Variants in CLVS1 observed in about 807,000 individuals in gnomAD.
CLVS1 encodes clavesin-1.
In CLVS1, 10 loss-of-function variants were observed where a neutral mutation model predicts 33.1. The observed-to-expected ratio is 0.30, with a 90% CI of 0.19 to 0.51. The LOEUF (loss-of-function observed/expected upper bound fraction) is 0.51. Among genes scored for constraint, CLVS1 ranks in the 20% least tolerant of loss-of-function variants. The pLI is 0.97. For missense variants in CLVS1, 343 were observed against 433.4 expected (o/e 0.79, Z 1.85); for synonymous variants, 163 against 166.1 (o/e 0.98, Z 0.14).
the CLVS1 span, among the ~76,000 whole-genome samples, chr8:61,038,864 A>G: frequency 6.6e-6 from 1 of 152,212 alleles, no homozygotes; most frequent in African/African-American, 2.4e-5. Context: ...TCTGTACTAG[A>G]TGTCTCTGAG....
the CLVS1 span, among the ~76,000 whole-genome samples, chr8:61,032,829 G>C: frequency 6.6e-6 from 1 of 151,712 alleles, no homozygotes; most frequent in African/African-American, 2.4e-5. Flanking sequence ...AGCCCCCATG[G>C]GAAAATCCAA....
chr8:61,435,949 A>T (rs1816315887), intron 3 of CLVS1, among the ~76,000 whole-genome samples: 1 of 152,168 alleles, frequency 6.6e-6, no homozygotes, highest in Admixed American at 6.5e-5. Flanking sequence ...ATATAAAGTC[A>T]CCCTATTTGT....
chr8:61,144,686 A>T (rs923547714), intron 2 of CLVS1, among the ~76,000 whole-genome samples: 1 of 152,186 alleles, frequency 6.6e-6, no homozygotes, highest in Non-Finnish European at 1.5e-5. Context: ...GTGTAAAAGC[A>T]TTCCTATATC....
intron 5 of CLVS1, among the ~76,000 whole-genome samples, chr8:61,474,925 T>G (rs1247435441): frequency 1.3e-5 from 2 of 152,202 alleles, no homozygotes; most frequent in Non-Finnish European, 2.9e-5. Flanking sequence ...TAGGTATATC[T>G]CCTAATGCTA....
chr8:61,380,726 G>A (rs1341915830), intron 3 of CLVS1, among the ~76,000 whole-genome samples: 2 of 152,102 alleles, frequency 1.3e-5, no homozygotes, highest in Non-Finnish European at 2.9e-5. Context: ...ATACAGCTCA[G>A]CGTTATTCTC....
At chr8:61,202,982 A>C in intron 2 of CLVS1, 3 of 1,460,324 alleles carry the variant, frequency 2.1e-6, no homozygotes, top group Non-Finnish European at 2.8e-6. Flanking sequence ...AATGGAAAAG[A>C]CTCAAAACCA....
At chr8:61,467,554 G>T (rs1817590621) in intron 5 of CLVS1, among the ~76,000 whole-genome samples, 1 of 152,136 alleles carries the variant, frequency 6.6e-6, no homozygotes. Flanking sequence ...GACAGGCACG[G>T]GTACAAATCC....
intron 2 of CLVS1, among the ~76,000 whole-genome samples, chr8:61,257,489 C>T (rs1809108791): frequency 6.6e-6 from 1 of 152,242 alleles, no homozygotes; most frequent in East Asian, 1.9e-4. Context: ...ATTCTCTGTC[C>T]TCTAAAATTA....
At chr8:61,205,160 A>T (rs138232971) in intron 2 of CLVS1, among the ~76,000 whole-genome samples, 106 of 152,348 alleles carry the variant, frequency 7.0e-4, no homozygotes, top group African/African-American at 2.1e-3. Flanking sequence ...CATAAAATGT[A>T]CCATGTTAAC....
chr8:61,363,019 C>G (rs544328599), intron 2 of CLVS1, among the ~76,000 whole-genome samples: 2 of 152,086 alleles, frequency 1.3e-5, no homozygotes, highest in Non-Finnish European at 2.9e-5. Context: ...AGATAGGTAA[C>G]GGGTCATCAA....
chr8:60,989,013 GGCCACCAT>G, the CLVS1 span, among the ~76,000 whole-genome samples: 1 of 151,320 alleles, frequency 6.6e-6, no homozygotes, highest in Admixed American at 6.6e-5. Flanking sequence ...TACAGGTGTG[GGCCACCAT>G]GCCAGCTAAT....
chr8:61,414,990 G>A (rs1329297469), intron 3 of CLVS1, among the ~76,000 whole-genome samples: 1 of 152,210 alleles, frequency 6.6e-6, no homozygotes, highest in African/African-American at 2.4e-5. Flanking sequence ...GCAGTAGTTA[G>A]GAGCCATTTG....
At chr8:61,389,623 C>CT (rs1358826680) in intron 3 of CLVS1, among the ~76,000 whole-genome samples, 32 of 152,094 alleles carry the variant, frequency 2.1e-4, no homozygotes, top group Non-Finnish European at 7.3e-5. Flanking sequence ...CTAGAAAGCA[C>CT]TATGACTGAG....
intron 2 of CLVS1, among the ~76,000 whole-genome samples, chr8:61,349,850 C>G (rs1432494347): frequency 6.6e-6 from 1 of 152,128 alleles, no homozygotes; most frequent in Admixed American, 6.5e-5. Context: ...CTCTCTAGCA[C>G]TCCCCAAACA....
intron 2 of CLVS1, among the ~76,000 whole-genome samples, chr8:61,311,717 A>C (rs1245317823): frequency 6.6e-6 from 1 of 152,222 alleles, no homozygotes; most frequent in East Asian, 1.9e-4. Flanking sequence ...TAAACTCAGA[A>C]GTTAAAAAGA....
At chr8:61,296,918 A>AAG (rs1345370349) in intron 1 of CLVS1, among the ~76,000 whole-genome samples, 1 of 152,158 alleles carries the variant, frequency 6.6e-6, no homozygotes, top group Non-Finnish European at 1.5e-5. Flanking sequence ...GTTCTGGATA[A>AAG]AGAGAGAGAA....
intron 2 of CLVS1, among the ~76,000 whole-genome samples, chr8:61,304,288 T>C (rs761938958): frequency 2.0e-5 from 3 of 152,220 alleles, no homozygotes; most frequent in Non-Finnish European, 4.4e-5. Context: ...GGAAACACTA[T>C]CCCGTGAGGG....
At chr8:60,969,599 C>G in the CLVS1 span, among the ~76,000 whole-genome samples, 19 of 152,174 alleles carry the variant, frequency 1.2e-4, no homozygotes, top group African/African-American at 4.6e-4. Context: ...TCTGGGATCC[C>G]CTTGGCCAAG....
At chr8:61,417,504 CA>C (rs1345435978) in intron 3 of CLVS1, among the ~76,000 whole-genome samples, 2 of 152,194 alleles carry the variant, frequency 1.3e-5, no homozygotes, top group African/African-American at 4.8e-5. Context: ...TGCCCAACTA[CA>C]GGTGCACTGA....
Sources: allele counts gnomAD v4.1 joint callset (sites outside exome capture counted in the v4.1 genomes callset), GRCh38; gene constraint gnomAD v4.1.1; transcripts MANE v1.5; gene names NCBI Gene and HGNC (gene_info 2026-07-23, HGNC 2026-07-21).